SLC9A9: variants seen among roughly 807,000 people sequenced by gnomAD.
SLC9A9 encodes the protein sodium/hydrogen exchanger 9.
Under a neutral mutation model 77.8 loss-of-function variants are expected in SLC9A9, and 62 were observed. The observed-to-expected ratio is 0.80, with a 90% CI of 0.65 to 0.98. The LOEUF is 0.98. Among genes scored for constraint, SLC9A9 ranks in the 50% least tolerant of loss-of-function variants. The pLI is 0.00. For missense variants in SLC9A9, 775 were observed against 774.9 expected (o/e 1.00, Z 0.00); for synonymous variants, 320 against 283.5 (o/e 1.13, Z -1.29).
chr3:143,495,224 C>G (rs868347348), intron 10 of SLC9A9, 111 bp downstream of exon 10: 4 of 888,466 alleles, frequency 4.5e-6, no homozygotes, highest in African/African-American at 1.7e-5. Flanking sequence ...TGTGTCTGAG[C>G]CTTGCAGTGG....
intron 13 of SLC9A9, among the ~76,000 whole-genome samples, chr3:143,380,564 C>A (rs376403318): frequency 6.6e-6 from 1 of 152,162 alleles, no homozygotes; most frequent in East Asian, 1.9e-4. Context: ...TTCATTATAG[C>A]CCACCAGTGT....
intron 13 of SLC9A9, among the ~76,000 whole-genome samples, chr3:143,374,422 C>CAAAA (rs34787603): frequency 4.4e-5 from 3 of 67,458 alleles, no homozygotes; most frequent in Non-Finnish European, 8.2e-5. Context: ...GACTCTGTCT[C>CAAAA]AAAAAAAAAA....
intron 5 of SLC9A9, among the ~76,000 whole-genome samples, chr3:143,667,007 AG>A (rs1410474350): frequency 6.6e-6 from 1 of 152,228 alleles, no homozygotes; most frequent in Non-Finnish European, 1.5e-5. Flanking sequence ...GAACCAAAAA[AG>A]AGCCTGCATT....
At chr3:143,809,139 G>A (rs2008799279) in intron 2 of SLC9A9, among the ~76,000 whole-genome samples, 2 of 152,224 alleles carry the variant, frequency 1.3e-5, no homozygotes, top group African/African-American at 4.8e-5. Context: ...CTTGAGGGAT[G>A]AAGCAGTGCA....
chr3:143,517,819 G>A, intron 9 of SLC9A9: 2 of 1,600,754 alleles, frequency 1.2e-6, no homozygotes, highest in Non-Finnish European at 1.7e-6. Flanking sequence ...TGGCATCTGT[G>A]AATAAGTCAA....
In SLC9A9 at chr3:143,687,622, T is replaced by A. The variant is rs1031151795; in HGVS notation, c.649+5570A>T. Among the ~76,000 whole-genome samples, 10 of 152,116 alleles carry A rather than the reference T, an allele frequency of 6.6e-5. 1 individual carries two copies. The highest frequency in any genetic ancestry group is 1.2e-4 in the Non-Finnish European group (8 of 68,012). On this transcript the variant is annotated intron_variant, in intron 5 of 15. Transcript: ENST00000316549. ...TTTCATTTTCCCTAAAATAAAAGAT[T>A]GTTTTAAAATAAAAACCAGTCTCAC...
At chr3:143,740,093 T>A (rs1935040370) in intron 4 of SLC9A9, among the ~76,000 whole-genome samples, 1 of 152,184 alleles carries the variant, frequency 6.6e-6, no homozygotes, top group Non-Finnish European at 1.5e-5. Flanking sequence ...TACTAAGAGA[T>A]CCTGGATATC....
At chr3:143,362,090 C>G (rs7427171) in intron 14 of SLC9A9, among the ~76,000 whole-genome samples, 1 of 152,088 alleles carries the variant, frequency 6.6e-6, no homozygotes, top group African/African-American at 2.4e-5. Context: ...GGAGCAAAAA[C>G]CAGCAATAAC....
chr3:143,283,708 G>A (rs940861359), intron 14 of SLC9A9, among the ~76,000 whole-genome samples: 2 of 152,234 alleles, frequency 1.3e-5, no homozygotes, highest in African/African-American at 4.8e-5. Context: ...CTGAGGTCTA[G>A]ACCCCTTTCA....
At chr3:143,822,276 T>G (rs775704878) in intron 2 of SLC9A9, among the ~76,000 whole-genome samples, 7 of 152,206 alleles carry the variant, frequency 4.6e-5, no homozygotes, top group Non-Finnish European at 7.3e-5. Flanking sequence ...ATGAACTTCC[T>G]GCTCACTACA....
intron 14 of SLC9A9, among the ~76,000 whole-genome samples, chr3:143,297,925 G>C (rs1290830759): frequency 6.6e-6 from 1 of 152,166 alleles, no homozygotes; most frequent in Non-Finnish European, 1.5e-5. Context: ...AATCCTAGTA[G>C]TGACAAGTAA....
chr3:143,434,303 G>T (rs1463913378), intron 12 of SLC9A9, among the ~76,000 whole-genome samples: 2 of 152,106 alleles, frequency 1.3e-5, no homozygotes, highest in East Asian at 3.9e-4. Flanking sequence ...CCTATATAAT[G>T]TAACTGCTTC....
At chr3:143,549,874 C>T (rs892145001) in intron 9 of SLC9A9, among the ~76,000 whole-genome samples, 1 of 152,198 alleles carries the variant, frequency 6.6e-6, no homozygotes, top group African/African-American at 2.4e-5. Flanking sequence ...CAGCCCAAGA[C>T]ATTTCCCTTT....
intron 6 of SLC9A9, among the ~76,000 whole-genome samples, chr3:143,625,259 A>G (rs1468242181): frequency 6.6e-6 from 1 of 152,234 alleles, no homozygotes; most frequent in Non-Finnish European, 1.5e-5. Flanking sequence ...AATTGGAAAA[A>G]ACTACTTTAA....
intron 12 of SLC9A9, among the ~76,000 whole-genome samples, chr3:143,423,587 T>C (rs902331092): frequency 1.9e-4 from 29 of 152,218 alleles, no homozygotes; most frequent in African/African-American, 2.9e-4. Context: ...AAATAAATAA[T>C]GGTAGTTACA....
intron 14 of SLC9A9, among the ~76,000 whole-genome samples, chr3:143,313,936 G>T (rs2031112243): frequency 1.3e-5 from 2 of 152,164 alleles, no homozygotes; most frequent in Admixed American, 6.5e-5. Flanking sequence ...CCAGGTGCAG[G>T]CATGGCTGCC....
At chr3:143,833,874 GAATA>G (rs905213211) in intron 1 of SLC9A9, among the ~76,000 whole-genome samples, 4 of 152,282 alleles carry the variant, frequency 2.6e-5, no homozygotes, top group South Asian at 2.1e-4. Context: ...TGTAAAAAGA[GAATA>G]AATAGAGAGA....
At chr3:143,307,429 A>T (rs1482362512) in intron 14 of SLC9A9, among the ~76,000 whole-genome samples, 1 of 152,182 alleles carries the variant, frequency 6.6e-6, no homozygotes, top group Non-Finnish European at 1.5e-5. Context: ...TGCACATATG[A>T]TCTCTTGACA....
chr3:143,666,301 C>T (rs2091201), intron 5 of SLC9A9, among the ~76,000 whole-genome samples: 233 of 152,298 alleles, frequency 1.5e-3, no homozygotes, highest in African/African-American at 5.4e-3. Flanking sequence ...ATGCTAAAAA[C>T]TCTCAATAAA....
Sources: gnomAD v4.1 joint callset for allele counts (sites outside exome capture counted in the v4.1 genomes callset) on GRCh38, gnomAD v4.1.1 for gene constraint, MANE v1.5 for transcripts, NCBI Gene and HGNC (gene_info 2026-07-23, HGNC 2026-07-21) for gene names.